The following LRRC37A3 variants were observed in gnomAD, a reference collection of about 807,000 sequenced individuals.
The protein encoded by LRRC37A3 is leucine-rich repeat-containing protein 37A3.
In LRRC37A3, 25 loss-of-function variants were observed where a neutral mutation model predicts 106.2. The observed-to-expected ratio is 0.24, with a 90% CI of 0.17 to 0.33. The LOEUF (loss-of-function observed/expected upper bound fraction) is 0.33, where lower values mean the gene tolerates loss of function less well. Ranked by LOEUF, LRRC37A3 falls within the 10% of genes least tolerant of loss-of-function variation. LRRC37A3 has a pLI of 1.00. For missense variants in LRRC37A3, 712 were observed against 1,644.9 expected, an observed-to-expected ratio of 0.43 and a Z score of 9.81; for synonymous variants, 305 against 635.8, an observed-to-expected ratio of 0.48 and a Z score of 7.83.
rs561829830 is a variant in LRRC37A3 at position 64,862,752 on chromosome 17, T to A, written c.3172+148A>T. 3.5e-4 allele frequency: 396 copies of A among 1,147,224 alleles called. 2 individuals are homozygous for A. The highest frequency in any genetic ancestry group is 1.3e-3 in the Admixed American group (62 of 47,612). The allele number at this position is 1,147,224 out of a possible 1,614,324, so 71.1% of individuals were successfully genotyped here. ...AACCTGACTCTCAGCAAGGGAGTAG[T>A]TCAGAAATTGAGGGAGTTTAACTCT... On this transcript the variant is annotated intron_variant, in intron 11 of 14. Transcript: ENST00000584306.
chr17:64,883,702 G>A (rs1385917595), intron 8 of LRRC37A3, among the ~76,000 whole-genome samples: 1 of 146,052 alleles, frequency 6.8e-6, no homozygotes, highest in South Asian at 2.2e-4. Context: ...TTGGCATCTT[G>A]CCTTTGGAAG....
In LRRC37A3 at chr17:64,862,923, C is replaced by T. The variant is rs752578785; in HGVS notation, c.3149G>A (p.Cys1050Tyr). 3.1e-6 allele frequency: 5 copies of T among 1,599,260 alleles called. No homozygotes were observed. In the East Asian group the frequency reaches 8.9e-5, roughly 29 times the overall value. Residue 1050 changes from cysteine (C) to tyrosine (Y), a missense_variant, in exon 11 of 15, where the codon TGT (cysteine) becomes TAT (tyrosine). Physicochemically the swap from Cys to Tyr is radical, Grantham distance 194. Coordinates refer to ENST00000584306, the MANE Select transcript of LRRC37A3 (RefSeq NM_199340.5). ...KTVKLHCNSA[C>Y]LTNTTHCPEE... ...ACGACAATGTGTGGTGTTTGTCAGA[C>T]ATGCACTGTTGCAATGCAGCTTGAC...
intron 8 of LRRC37A3, among the ~76,000 whole-genome samples, chr17:64,872,787 A>T (rs1379717655): frequency 6.6e-6 from 1 of 152,156 alleles, no homozygotes; most frequent in African/African-American, 2.4e-5. Context: ...ACGCGCATGC[A>T]TAGGGCAGAC....
chr17:64,855,953 T>C (rs987722626), intron 13 of LRRC37A3, 64 bp from the exon 14 acceptor site: 24 of 1,608,912 alleles, frequency 1.5e-5, no homozygotes, highest in Non-Finnish European at 2.0e-5. Flanking sequence ...CAAATCTGTA[T>C]TGATTCCTTT....
In LRRC37A3 at chr17:64,868,546, A is replaced by T. The variant is rs1179515547; in HGVS notation, c.2979-10T>A. ...CGTTGTTCCCATGTCTCTGAAGAAG[A>T]AAGCCGAAACATTCATGATATGAGC... On this transcript the variant is annotated splice_polypyrimidine_tract_variant and intron_variant, in intron 9 of 14. Coordinates refer to ENST00000584306, the MANE Select transcript of LRRC37A3 (RefSeq NM_199340.5). 7 of 1,603,428 alleles carry T rather than the reference A, an allele frequency of 4.4e-6. No homozygotes were observed. The highest frequency in any genetic ancestry group is 6.0e-6 in the Non-Finnish European group (7 of 1,173,568).
At position 64,860,780 on chromosome 17, in the gene LRRC37A3, G is replaced by A. The variant is rs758143202; in HGVS notation, c.3366C>T (p.Tyr1122=). The A allele has an allele frequency of 1.9e-6, 3 of 1,614,042 alleles. No homozygotes were observed. Among genetic ancestry groups the A allele is most frequent in the African/African-American group, 1.3e-5 (1 of 74,924 alleles). The part of the protein sequence containing the change: ...DESDVTSTLS[Y]ILPYFSAVNL... ...TAACGGCTGAGAAATAAGGTAAGAT[G>A]TAACTTAGTGTACTGGTAACATCAC... is the stretch of plus-strand genomic sequence containing the variant. The change falls in exon 12 of 15, where the codon TAC becomes TAT. Residue 1122 remains tyrosine, a synonymous_variant. Transcript: ENST00000584306.
At chr17:64,908,939 T>A (rs1327055208) in intron 2 of LRRC37A3, among the ~76,000 whole-genome samples, 8 of 150,682 alleles carry the variant, frequency 5.3e-5, no homozygotes, top group Non-Finnish European at 8.8e-5. Context: ...GCCCAGCTAA[T>A]TTTTTTTGTA....
Position 64,895,945 on chromosome 17 carries a change from GCCT to G in LRRC37A3, c.1310_1312del (p.Glu437del). 1 of 1,119,806 alleles carries G rather than the reference GCCT, an allele frequency of 8.9e-7. No homozygotes were observed. The highest frequency in any genetic ancestry group is 1.8e-5 in the Admixed American group (1 of 54,710). The allele number at this position is 1,119,806 out of a possible 1,614,324, so 69.4% of individuals were successfully genotyped here. Reference sequence around the variant, plus strand: ...ACCTGACCCTGAGAGCCGAGTTGTAGCCTCCTGGTGGACTAGAGAAGTTCCCAC... The same window carrying G: ...ACCTGACCCTGAGAGCCGAGTTGTAGCCTGGTGGACTAGAGAAGTTCCCAC... On this transcript the variant is annotated inframe_deletion, in exon 4 of 15. Coordinates refer to ENST00000584306, the MANE Select transcript of LRRC37A3 (RefSeq NM_199340.5).
At chr17:64,856,227 T>C (rs1456233198) in intron 13 of LRRC37A3, among the ~76,000 whole-genome samples, 2 of 152,156 alleles carry the variant, frequency 1.3e-5, no homozygotes, top group Non-Finnish European at 2.9e-5. Flanking sequence ...CTCTGTTGCT[T>C]ACGCTGGAGT....
rs1399720661 is a variant in LRRC37A3 at position 64,866,613 on chromosome 17, TATATATATATATATA to T, written c.3053+1834_3053+1848del. 1.8e-3 allele frequency among the ~76,000 whole-genome samples: 41 copies of T among 22,434 alleles called. 4 individuals carry two copies. The highest frequency in any genetic ancestry group is 3.8e-3 in the African/African-American group (15 of 3,898). The allele number at this position is 22,434 out of a possible 152,430, so 14.7% of individuals were successfully genotyped here. ...ACATATATATATATATATATATATA[TATATATATATATATA>T]TTTTTTTTTTTTTTTTTTTTTAGAC... On this transcript the variant is annotated intron_variant, in intron 10 of 14. Transcript: ENST00000584306.
rs1190454677 is a variant in LRRC37A3, at chr17:64,855,833, T to C, written c.4859+7A>G. The C allele has an allele frequency of 1.2e-6, 2 of 1,611,692 alleles. No individual in the cohort carries two copies. The highest frequency in any genetic ancestry group is 2.2e-5 in the South Asian group (2 of 90,986). On this transcript the variant is annotated splice_region_variant and intron_variant, in intron 14 of 14. Coordinates refer to ENST00000584306, the MANE Select transcript of LRRC37A3 (RefSeq NM_199340.5). ...AAAGAAAAAAAAATCACCAGACTAA[T>C]ATTTACCTTGAGAATCCTTCTTCAT...
chr17:64,880,835 A>G (rs920110429), intron 8 of LRRC37A3, among the ~76,000 whole-genome samples: 1 of 152,062 alleles, frequency 6.6e-6, no homozygotes, highest in African/African-American at 2.4e-5. Context: ...CTTTCTATTA[A>G]CTGAGGAGAC....
At chr17:64,873,387 TG>T (rs1029606803) in intron 8 of LRRC37A3, among the ~76,000 whole-genome samples, 4 of 152,136 alleles carry the variant, frequency 2.6e-5, no homozygotes, top group Admixed American at 2.6e-4. Context: ...CTTGAACTCC[TG>T]GCCTCAGCCT....
intron 8 of LRRC37A3, among the ~76,000 whole-genome samples, chr17:64,869,691 C>T (rs1203384063): frequency 3.3e-5 from 5 of 151,480 alleles, no homozygotes; most frequent in Non-Finnish European, 5.9e-5. Context: ...CAGGCACCCA[C>T]CACCACGCCC....
intron 12 of LRRC37A3, among the ~76,000 whole-genome samples, chr17:64,859,107 C>A (rs1395281732): frequency 1.3e-5 from 2 of 152,094 alleles, no homozygotes; most frequent in Non-Finnish European, 1.5e-5. Context: ...CACGTGTCAT[C>A]AACCCAGCTA....
Position 64,898,475 on chromosome 17 carries a change from G to GA in LRRC37A3, c.-495-17dup. On this transcript the variant is annotated splice_polypyrimidine_tract_variant and intron_variant, in intron 2 of 14. Coordinates refer to ENST00000584306, the MANE Select transcript of LRRC37A3 (RefSeq NM_199340.5). Reference sequence around the variant, plus strand: ...GCACTTCAGCCTGGGCAACAAGAGAGAAACTCCATCTCAAAAAAATAAAAT... The same window carrying GA: ...GCACTTCAGCCTGGGCAACAAGAGAGAAAACTCCATCTCAAAAAAATAAAAT... 2.0e-6 allele frequency: 1 copy of GA among 508,188 alleles called. No homozygotes were observed. The highest frequency in any genetic ancestry group is 2.5e-5 in the African/African-American group (1 of 40,344). 31.5% of individuals were successfully genotyped at this position (508,188 alleles called of 1,614,324 possible).
chr17:64,913,804 GAACA>G (rs1373358890), intron 2 of LRRC37A3, among the ~76,000 whole-genome samples: 1 of 149,960 alleles, frequency 6.7e-6, no homozygotes, highest in East Asian at 2.0e-4. Context: ...AGGAGAAAGA[GAACA>G]AACCCATAAC....
intron 10 of LRRC37A3, among the ~76,000 whole-genome samples, chr17:64,866,618 ATATATATATATTTTTTTT>A (rs1246339024): frequency 8.1e-5 from 2 of 24,806 alleles, no homozygotes; most frequent in African/African-American, 4.3e-4. Flanking sequence ...ATATATATAT[ATATATATATATTTTTTTT>A]TTTTTTTTTT....
chr17:64,918,377 TTTTTTTC>T lies in LRRC37A3; in HGVS notation c.-496+366_-496+372del, dbSNP rs1322120062. 2.0e-5 allele frequency among the ~76,000 whole-genome samples: 3 copies of T among 151,254 alleles called. No homozygotes were observed. The South Asian group carries it at 6.2e-4, about 31-fold the overall frequency. On this transcript the variant is annotated intron_variant, in intron 2 of 14. Coordinates refer to ENST00000584306, the MANE Select transcript of LRRC37A3 (RefSeq NM_199340.5). Reference sequence around the variant, plus strand: ...TTGGAGGAGGTGGTAGGGAATGCAATTTTTTTCTTTTTTCTTTATTACCCAGGTTCCC... The same window carrying T: ...TTGGAGGAGGTGGTAGGGAATGCAATTTTTTTCTTTATTACCCAGGTTCCC...
Sources: allele counts gnomAD v4.1 joint callset (sites outside exome capture counted in the v4.1 genomes callset), GRCh38; gene constraint gnomAD v4.1.1; transcripts MANE v1.5; gene names NCBI Gene and HGNC (gene_info 2026-07-23, HGNC 2026-07-21).